MLLT1: variants seen among roughly 807,000 people sequenced by gnomAD.
MLLT1 encodes the protein MLLT1 super elongation complex subunit.
A neutral mutation model predicts 55.1 loss-of-function variants in MLLT1; 11 were observed. The observed-to-expected ratio is 0.20, with a 90% confidence interval of 0.13 to 0.33. The LOEUF (loss-of-function observed/expected upper bound fraction) is 0.33, where lower values mean the gene tolerates loss of function less well. MLLT1 is among the 10% of genes least tolerant of loss of function. The probability of loss-of-function intolerance (pLI) is 1.00; values close to 1 mark genes in which losing one functional copy is unlikely to be tolerated. For missense variants in MLLT1, 536 were observed against 760.6 expected (o/e 0.70, Z 3.47); for synonymous variants, 323 against 320.1 (o/e 1.01, Z -0.10).
intron 3 of MLLT1, chr19:6,259,804 A>AAAAAAAAC (rs2091287520): frequency 6.6e-6 from 1 of 151,012 alleles, no homozygotes; most frequent in Non-Finnish European, 1.5e-5. Flanking sequence ...TGACTTAAAA[A>AAAAAAAAC]AAAAAAAAAA....
rs534704001 is a variant in MLLT1 at position 6,269,689 on chromosome 19, G to A, written c.193+890C>T. 1.8e-4 allele frequency among the ~76,000 whole-genome samples: 27 copies of A among 152,294 alleles called. No individual in the cohort carries two copies. The South Asian group carries it at 2.9e-3, about 16-fold the overall frequency. On this transcript the variant is annotated intron_variant, in intron 2 of 11. Coordinates refer to ENST00000252674, the MANE Select transcript of MLLT1 (RefSeq NM_005934.4). ...CTAAGCACACCCACGCTTGTGCACG[G>A]CTCACCTCCCGTGGCCCCTGGAGCT...
At chr19:6,251,190 G>A (rs2091210587) in intron 3 of MLLT1, among the ~76,000 whole-genome samples, 2 of 152,188 alleles carry the variant, frequency 1.3e-5, no homozygotes, top group South Asian at 4.2e-4. Context: ...GTACAACCCT[G>A]TGAATGTACT....
chr19:6,255,740 T>C (rs2091251758), intron 3 of MLLT1, among the ~76,000 whole-genome samples: 1 of 152,198 alleles, frequency 6.6e-6, no homozygotes, highest in Non-Finnish European at 1.5e-5. Flanking sequence ...CTCAAGTTCA[T>C]ATGGAATCAC....
intron 1 of MLLT1, among the ~76,000 whole-genome samples, chr19:6,278,597 G>A (rs1419529218): frequency 1.3e-5 from 2 of 152,190 alleles, no homozygotes; most frequent in African/African-American, 2.4e-5. Context: ...TGAAGGCAAA[G>A]GTTGTACAGG....
chr19:6,262,126 G>T lies in MLLT1; in HGVS notation c.276+102C>A. 1 of 869,612 alleles carries T rather than the reference G, an allele frequency of 1.1e-6. No individual in the cohort carries two copies. 53.9% of individuals were successfully genotyped at this position (869,612 alleles called of 1,614,324 possible). On this transcript the variant is annotated intron_variant, in intron 3 of 11. Coordinates refer to ENST00000252674, the MANE Select transcript of MLLT1 (RefSeq NM_005934.4). The surrounding 1 kb of genome is among the most constrained non-coding windows in gnomAD (Gnocchi z 4.4). ...AGCACTCACTGGAATGTCTGTGCAT[G>T]GGCAGCGGCCAGTTCTCTGGCCTGT...
Position 6,222,481 on chromosome 19 carries a change from G to A in MLLT1, c.750C>T (p.Ala250=). ...KEEKAPPPKA[A]FKEPKMALKE... ...TCAGGGCCATCTTGGGTTCCTTGAA[G>A]GCAGCCTTGGGCGGTGGCGCCTTCT... is the stretch of plus-strand genomic sequence containing the variant. Residue 250 remains alanine, a synonymous_variant, in exon 6 of 12, where the codon GCC becomes GCT. Transcript: ENST00000252674. The surrounding 1 kb of genome is among the most constrained non-coding windows in gnomAD (Gnocchi z 4.1). 1 of 1,592,048 alleles carries A rather than the reference G, an allele frequency of 6.3e-7. No homozygotes were observed. The highest frequency in any genetic ancestry group is 8.5e-7 in the Non-Finnish European group (1 of 1,175,446).
At chr19:6,218,078 AG>A in intron 6 of MLLT1, 37 bp from the exon 7 acceptor site, 2 of 1,571,872 alleles carry the variant, frequency 1.3e-6, no homozygotes, top group Non-Finnish European at 1.7e-6. Context: ...GAGGGGAGAA[AG>A]GGAGAGCTGT....
intron 3 of MLLT1, among the ~76,000 whole-genome samples, chr19:6,258,163 GCACT>G (rs1253994975): frequency 6.6e-6 from 1 of 152,130 alleles, no homozygotes; most frequent in Non-Finnish European, 1.5e-5. Context: ...CTGAAAACGG[GCACT>G]CAAACAAGTA....
intron 1 of MLLT1, among the ~76,000 whole-genome samples, chr19:6,278,432 T>C (rs1231525454): frequency 1.2e-5 from 1 of 81,576 alleles, no homozygotes; most frequent in Non-Finnish European, 3.0e-5. Flanking sequence ...TTTAGGGAGG[T>C]TGGGGAACCC....
Position 6,235,488 on chromosome 19 carries a change from C to A in MLLT1, c.277-4775G>T, listed in dbSNP as rs1471709497. 6.6e-6 allele frequency among the ~76,000 whole-genome samples: 1 copy of A among 152,210 alleles called. No homozygotes were observed. Among genetic ancestry groups the A allele is most frequent in the Non-Finnish European group, 1.5e-5 (1 of 68,026 alleles). ...GGGCTAAGAAGGGCACCTGGGGAGGCGCAGCCAGACGGTACCAAAGCACTG... is the reference window on the plus strand; with the variant it reads ...GGGCTAAGAAGGGCACCTGGGGAGGAGCAGCCAGACGGTACCAAAGCACTG... On this transcript the variant is annotated intron_variant, in intron 3 of 11. Transcript: ENST00000252674. The surrounding 1 kb of genome is among the most constrained non-coding windows in gnomAD (Gnocchi z 5.5).
chr19:6,217,830 C>T, intron 7 of MLLT1, 124 bp downstream of exon 7: 1 of 1,394,472 alleles, frequency 7.2e-7, no homozygotes, highest in Non-Finnish European at 9.5e-7. Context: ...CACCAAAACC[C>T]TCCATGTACA....
intron 7 of MLLT1, 27 bp from the exon 8 acceptor site, chr19:6,216,540 G>T (rs1484266193): frequency 6.7e-7 from 1 of 1,488,206 alleles, no homozygotes; most frequent in South Asian, 1.2e-5. Flanking sequence ...GGGAGGGAGG[G>T]GAGACAAGGG....
At chr19:6,272,169 A>C (rs532256699) in intron 1 of MLLT1, among the ~76,000 whole-genome samples, 2 of 146,532 alleles carry the variant, frequency 1.4e-5, no homozygotes, top group South Asian at 2.1e-4. Context: ...CCACGCGTGT[A>C]TTTCCTCAAG....
intron 2 of MLLT1, among the ~76,000 whole-genome samples, chr19:6,269,474 A>G (rs2091377221): frequency 6.6e-6 from 1 of 152,270 alleles, no homozygotes; most frequent in Non-Finnish European, 1.5e-5. Flanking sequence ...GAAAAGGTGA[A>G]GACTCAGGAA....
At chr19:6,245,636 G>A (rs921142097) in intron 3 of MLLT1, among the ~76,000 whole-genome samples, 10 of 149,706 alleles carry the variant, frequency 6.7e-5, no homozygotes, top group Admixed American at 1.3e-4. Context: ...GCATGAACAC[G>A]GGAGGCAGAG....
At chr19:6,236,397 G>A (rs1057415408) in intron 3 of MLLT1, among the ~76,000 whole-genome samples, 8 of 152,156 alleles carry the variant, frequency 5.3e-5, no homozygotes, top group African/African-American at 1.7e-4. Context: ...CAGAGCCAGC[G>A]CACCCCGGCA....
At chr19:6,251,350 C>T (rs865959814) in intron 3 of MLLT1, among the ~76,000 whole-genome samples, 7 of 152,162 alleles carry the variant, frequency 4.6e-5, no homozygotes, top group African/African-American at 1.7e-4. Flanking sequence ...GGACATACAA[C>T]GGCTAGCCCC....
At chr19:6,239,673 CCT>C (rs1277691043) in intron 3 of MLLT1, among the ~76,000 whole-genome samples, 4 of 151,978 alleles carry the variant, frequency 2.6e-5, no homozygotes, top group African/African-American at 9.7e-5. Flanking sequence ...CCCTCACCTA[CCT>C]GTGTACAAAC....
rs555158213 is a variant in MLLT1, at chr19:6,269,171, G to A, written c.193+1408C>T. 3.9e-5 allele frequency among the ~76,000 whole-genome samples: 6 copies of A among 152,338 alleles called. No homozygotes were observed. The South Asian group carries it at 6.2e-4, about 16-fold the overall frequency. The stretch of plus-strand genomic sequence containing the variant: ...AACACCTATGCGGGCGGGCATGGCC[G>A]TGCACCAATAAAAACAGGCTGCACT... On this transcript the variant is annotated intron_variant, in intron 2 of 11. Coordinates refer to ENST00000252674, the MANE Select transcript of MLLT1 (RefSeq NM_005934.4).
Sources: allele counts gnomAD v4.1 joint callset (sites outside exome capture counted in the v4.1 genomes callset), GRCh38; gene constraint gnomAD v4.1.1; non-coding constraint Gnocchi (gnomAD v3.1); transcripts MANE v1.5; gene names NCBI Gene and HGNC (gene_info 2026-07-23, HGNC 2026-07-21).